Variants in ADAM23 observed in about 807,000 individuals in gnomAD.
ADAM23 encodes the protein disintegrin and metalloproteinase domain-containing protein 23.
A neutral mutation model predicts 120.1 loss-of-function variants in ADAM23; 33 were observed. That is an observed-to-expected ratio of 0.27 (90% CI 0.21 to 0.37). The LOEUF (loss-of-function observed/expected upper bound fraction) is 0.37. Among genes scored for constraint, ADAM23 ranks in the 10% least tolerant of loss-of-function variants. ADAM23 has a pLI of 1.00. For missense variants in ADAM23, 862 were observed against 1,058.2 expected, an observed-to-expected ratio of 0.81 and a Z score of 2.57; for synonymous variants, 367 against 375.2, an observed-to-expected ratio of 0.98 and a Z score of 0.25.
Position 206,550,059 on chromosome 2 carries a change from A to G in ADAM23, c.868-36A>G, listed in dbSNP as rs758123170. On this transcript the variant is annotated intron_variant, in intron 8 of 25. Transcript: ENST00000264377. The stretch of plus-strand genomic sequence containing the variant: ...TGAGCACTAGAGAGATTTTATGTCA[A>G]TCACTATTCTGACCATATATTTTTA... The G allele has an allele frequency of 1.2e-5, 16 of 1,356,346 alleles. No individual in the cohort carries two copies. The East Asian group carries it at 2.4e-4, about 20-fold the overall frequency. The allele number at this position is 1,356,346 out of a possible 1,614,324, so 84.0% of individuals were successfully genotyped here. A position where few individuals can be genotyped will look rare whatever the true frequency, so the allele number is the denominator to read the frequency against.
At chr2:206,553,618 A>C (rs1050179337) in intron 9 of ADAM23, among the ~76,000 whole-genome samples, 2 of 152,130 alleles carry the variant, frequency 1.3e-5, no homozygotes, top group African/African-American at 4.8e-5. Flanking sequence ...ATTTTATAAG[A>C]ATTTTTTTTT....
intron 21 of ADAM23, among the ~76,000 whole-genome samples, chr2:206,591,699 TATC>T (rs1698429624): frequency 6.6e-6 from 1 of 152,218 alleles, no homozygotes; most frequent in Admixed American, 6.5e-5. Context: ...TAGGGGATCT[TATC>T]ATTGTTACCA....
At chr2:206,566,239 G>T (rs1201130410) in intron 14 of ADAM23, among the ~76,000 whole-genome samples, 1 of 149,598 alleles carries the variant, frequency 6.7e-6, no homozygotes, top group Admixed American at 6.7e-5. Context: ...TTTTAAATAA[G>T]ATAAAATGTT....
chr2:206,484,367 C>T (rs567663374), intron 3 of ADAM23, among the ~76,000 whole-genome samples: 29 of 152,242 alleles, frequency 1.9e-4, no homozygotes, highest in African/African-American at 6.7e-4. Flanking sequence ...GAGCAACCTT[C>T]ATTAGAAATC....
chr2:206,617,368 C>A (rs972550009), intron 25 of ADAM23, among the ~76,000 whole-genome samples: 1 of 152,184 alleles, frequency 6.6e-6, no homozygotes, highest in Non-Finnish European at 1.5e-5. Flanking sequence ...AAAGGACATA[C>A]TCTAGGGGGT....
chr2:206,614,453 G>A (rs1428298389), intron 25 of ADAM23, among the ~76,000 whole-genome samples: 6 of 152,102 alleles, frequency 3.9e-5, no homozygotes, highest in East Asian at 3.9e-4. Context: ...ACAGGAGTTC[G>A]AGACCAGACT....
chr2:206,588,162 G>A lies in ADAM23; in HGVS notation c.1852+8G>A, dbSNP rs369128400. On this transcript the variant is annotated splice_region_variant and intron_variant, in intron 20 of 25. Transcript: ENST00000264377. ...AGTACATCTGGGGAACAAGTAGGTCGCACCTCCTTGCTTGGCGGTTACACA... is the reference window on the plus strand; with the variant it reads ...AGTACATCTGGGGAACAAGTAGGTCACACCTCCTTGCTTGGCGGTTACACA... 4.3e-5 allele frequency: 69 copies of A among 1,613,482 alleles called. No individual in the cohort carries two copies. Among genetic ancestry groups the A allele is most frequent in the African/African-American group, 6.7e-5 (5 of 74,866 alleles).
chr2:206,479,692 C>T (rs114775935), intron 2 of ADAM23, among the ~76,000 whole-genome samples: 1,655 of 151,536 alleles, frequency 0.011, 15 homozygotes, highest in Non-Finnish European at 0.018. Flanking sequence ...CTCTCTCTTT[C>T]TCTCTCTCTC....
chr2:206,546,403 A>G (rs1697399066), intron 6 of ADAM23, among the ~76,000 whole-genome samples: 1 of 152,218 alleles, frequency 6.6e-6, no homozygotes, highest in Admixed American at 6.5e-5. Context: ...AGTAATACGC[A>G]TGGGATATTT....
rs181570712 is a variant in ADAM23, at chr2:206,567,386, G to A, written c.1494+64G>A. 1,518 of 1,326,124 alleles carry A rather than the reference G, an allele frequency of 1.1e-3. 2 individuals are homozygous for A. The highest frequency in any genetic ancestry group is 1.4e-3 in the Non-Finnish European group (1,340 of 942,940). 82.1% of individuals were successfully genotyped at this position (1,326,124 alleles called of 1,614,324 possible). A position where few individuals can be genotyped will look rare whatever the true frequency, so the allele number is the denominator to read the frequency against. On this transcript the variant is annotated intron_variant, in intron 15 of 25. Transcript: ENST00000264377. The stretch of plus-strand genomic sequence containing the variant: ...TTCTCCAGTGTTTTACAGTGCAACA[G>A]TGCTGGATATCAGACGCCTGTCTTG...
At chr2:206,487,903 G>A (rs1696050412) in intron 3 of ADAM23, among the ~76,000 whole-genome samples, 1 of 152,220 alleles carries the variant, frequency 6.6e-6, no homozygotes, top group Non-Finnish European at 1.5e-5. Context: ...TTGGGTGGCT[G>A]ACTCCAAAAA....
chr2:206,519,995 A>G (rs1359762830), intron 3 of ADAM23, among the ~76,000 whole-genome samples: 1 of 152,168 alleles, frequency 6.6e-6, no homozygotes, highest in African/African-American at 2.4e-5. Context: ...AGCCTGGGTA[A>G]CAGAGCAAGA....
At chr2:206,546,313 G>A (rs1434973928) in intron 6 of ADAM23, among the ~76,000 whole-genome samples, 1 of 152,038 alleles carries the variant, frequency 6.6e-6, no homozygotes, top group Non-Finnish European at 1.5e-5. Context: ...CCAGAATTTA[G>A]AGCTTACTGT....
At chr2:206,588,519 T>G (rs995190973) in intron 20 of ADAM23, among the ~76,000 whole-genome samples, 6 of 152,212 alleles carry the variant, frequency 3.9e-5, no homozygotes, top group African/African-American at 1.4e-4. Context: ...CACACACAAG[T>G]TAGCTTTCTG....
At chr2:206,499,160 G>T (rs545941442) in intron 3 of ADAM23, among the ~76,000 whole-genome samples, 85 of 151,932 alleles carry the variant, frequency 5.6e-4, no homozygotes, top group Admixed American at 1.8e-3. Flanking sequence ...GTACCCAAAG[G>T]ATTGTAAATC....
intron 24 of ADAM23, among the ~76,000 whole-genome samples, chr2:206,606,893 G>T (rs943988928): frequency 2.0e-5 from 3 of 152,138 alleles, no homozygotes; most frequent in Middle Eastern, 3.2e-3. Flanking sequence ...TGAATTACTA[G>T]TATCTTCAGG....
intron 12 of ADAM23, 61 bp downstream of exon 12, chr2:206,561,273 G>A: frequency 1.4e-6 from 2 of 1,383,408 alleles, no homozygotes; most frequent in Middle Eastern, 1.8e-4. Context: ...CTATGGCCCA[G>A]TTTACATCCT....
intron 18 of ADAM23, among the ~76,000 whole-genome samples, chr2:206,576,264 ATG>A (rs1302079600): frequency 3.7e-5 from 3 of 80,994 alleles, no homozygotes; most frequent in Non-Finnish European, 5.4e-5. Flanking sequence ...TTTACCATAT[ATG>A]GTTTTAAAAA....
At position 206,469,280 on chromosome 2, in the gene ADAM23, A is replaced by G. The variant is rs553395624; in HGVS notation, c.433-11952A>G. 6.1e-4 allele frequency among the ~76,000 whole-genome samples: 93 copies of G among 152,206 alleles called. 1 individual carries two copies. The highest frequency in any genetic ancestry group is 2.0e-3 in the African/African-American group (82 of 41,532). On this transcript the variant is annotated intron_variant, in intron 2 of 25. Coordinates refer to ENST00000264377, the MANE Select transcript of ADAM23 (RefSeq NM_003812.4). Reference sequence around the variant, plus strand: ...CCTACCACCACCTCCTTCTCCTGCAATTTTCCCCATCTTAATAAATTGCTT... The same window carrying G: ...CCTACCACCACCTCCTTCTCCTGCAGTTTTCCCCATCTTAATAAATTGCTT...
Sources: allele counts gnomAD v4.1 joint callset (sites outside exome capture counted in the v4.1 genomes callset), GRCh38; gene constraint gnomAD v4.1.1; transcripts MANE v1.5; gene names NCBI Gene and HGNC (gene_info 2026-07-23, HGNC 2026-07-21).